The following CACNB4 variants were observed in gnomAD, a reference collection of about 807,000 sequenced individuals.
The protein encoded by CACNB4 is voltage-dependent L-type calcium channel subunit beta-4.
In CACNB4, 32 loss-of-function variants were observed where a neutral mutation model predicts 71.2. The observed-to-expected ratio is 0.45, with a 90% CI of 0.34 to 0.60. The LOEUF (loss-of-function observed/expected upper bound fraction) is 0.60. Among genes scored for constraint, CACNB4 ranks in the 20% least tolerant of loss-of-function variants. The probability of loss-of-function intolerance (pLI) is 0.01; values close to 1 mark genes in which losing one functional copy is unlikely to be tolerated. For synonymous variants in CACNB4, 231 were observed against 236.9 expected (o/e 0.97, Z 0.23); for missense variants, 464 against 647.9 (o/e 0.72, Z 3.08).
At chr2:152,041,363 C>T (rs1684863890) in intron 2 of CACNB4, among the ~76,000 whole-genome samples, 1 of 152,084 alleles carries the variant, frequency 6.6e-6, no homozygotes, top group Non-Finnish European at 1.5e-5. Flanking sequence ...AAGCTCAGTA[C>T]TTATGGGAAA....
intron 2 of CACNB4, among the ~76,000 whole-genome samples, chr2:152,029,682 G>A (rs1282342245): frequency 6.6e-6 from 1 of 152,024 alleles, no homozygotes; most frequent in Non-Finnish European, 1.5e-5. Flanking sequence ...CCACGGTGAT[G>A]GTATTAGGAG....
At chr2:151,846,371 T>A (rs2099837568) in intron 12 of CACNB4, among the ~76,000 whole-genome samples, 1 of 152,200 alleles carries the variant, frequency 6.6e-6, no homozygotes, top group Non-Finnish European at 1.5e-5. Context: ...GGGTAAGTCT[T>A]CCTTAATGAC....
chr2:151,969,157 T>TG (rs1163125142), intron 2 of CACNB4: 1 of 152,224 alleles, frequency 6.6e-6, no homozygotes. Context: ...ACATTTGGTT[T>TG]TCTTCTGTGG....
chr2:152,047,424 C>T (rs1232475925), intron 2 of CACNB4, among the ~76,000 whole-genome samples: 2 of 152,208 alleles, frequency 1.3e-5, no homozygotes, highest in Non-Finnish European at 2.9e-5. Flanking sequence ...TGAATTCTTA[C>T]TTCCTTAACC....
chr2:151,864,983 C>T (rs76490901), intron 9 of CACNB4, among the ~76,000 whole-genome samples: 4,516 of 152,256 alleles, frequency 0.03, 63 homozygotes, highest in African/African-American at 0.04. Flanking sequence ...GTCAGATACA[C>T]TGTACTCAAA....
intron 12 of CACNB4, among the ~76,000 whole-genome samples, chr2:151,847,403 T>C (rs2099837880): frequency 2.0e-5 from 3 of 152,054 alleles, no homozygotes; most frequent in African/African-American, 4.8e-5. Flanking sequence ...AAAAAAAGAC[T>C]GGCAAGTACT....
intron 10 of CACNB4, 38 bp downstream of exon 10, chr2:151,860,673 A>G (rs748367932): frequency 7.2e-7 from 1 of 1,381,026 alleles, no homozygotes; most frequent in Non-Finnish European, 1.0e-6. Context: ...CCGGTCTGTA[A>G]GCACAGCTTG....
chr2:152,025,648 A>C (rs1683921365), intron 2 of CACNB4, among the ~76,000 whole-genome samples: 4 of 152,228 alleles, frequency 2.6e-5, no homozygotes, highest in Admixed American at 2.6e-4. Flanking sequence ...GTGACACAAC[A>C]GCCTCTCTTC....
chr2:152,049,566 ACTCT>A (rs1230823163), intron 2 of CACNB4, among the ~76,000 whole-genome samples: 5 of 148,906 alleles, frequency 3.4e-5, no homozygotes, highest in South Asian at 2.1e-4. Flanking sequence ...TCTCTTGCTC[ACTCT>A]CTCTCTTTCC....
intron 2 of CACNB4, among the ~76,000 whole-genome samples, chr2:151,942,968 C>T (rs1366538438): frequency 6.6e-6 from 1 of 152,154 alleles, no homozygotes; most frequent in Non-Finnish European, 1.5e-5. Context: ...CTTTGTTGGA[C>T]CCTTATCAGT....
At chr2:151,999,740 G>GT (rs1333765922) in intron 2 of CACNB4, among the ~76,000 whole-genome samples, 3 of 152,156 alleles carry the variant, frequency 2.0e-5, no homozygotes, top group Non-Finnish European at 4.4e-5. Flanking sequence ...CACCCAAAAA[G>GT]TTAATTGAAA....
chr2:152,004,019 G>A (rs1465425970), intron 2 of CACNB4, among the ~76,000 whole-genome samples: 5 of 151,950 alleles, frequency 3.3e-5, no homozygotes, highest in African/African-American at 7.3e-5. Flanking sequence ...ACAGGATCTC[G>A]TTGTTACCCA....
intron 2 of CACNB4, among the ~76,000 whole-genome samples, chr2:152,005,211 C>G (rs1460430171): frequency 6.6e-6 from 1 of 152,202 alleles, no homozygotes; most frequent in Non-Finnish European, 1.5e-5. Context: ...GCCATAAAGA[C>G]ACATGCATGT....
intron 2 of CACNB4, among the ~76,000 whole-genome samples, chr2:151,964,497 T>C (rs2151707025): frequency 1.3e-5 from 2 of 152,282 alleles, no homozygotes; most frequent in Admixed American, 1.3e-4. Flanking sequence ...GTTTAAAGAT[T>C]TTTCCCCCAA....
chr2:151,995,768 T>A (rs1682008632), intron 2 of CACNB4, among the ~76,000 whole-genome samples: 1 of 152,234 alleles, frequency 6.6e-6, no homozygotes, highest in Admixed American at 6.5e-5. Flanking sequence ...CCTACCAACA[T>A]TGCCTGGCAG....
intron 2 of CACNB4, among the ~76,000 whole-genome samples, chr2:152,020,639 G>A (rs1683608616): frequency 6.6e-6 from 1 of 152,230 alleles, no homozygotes; most frequent in Non-Finnish European, 1.5e-5. Context: ...TTGGTGCCAT[G>A]AAGCCAAAGG....
intron 2 of CACNB4, among the ~76,000 whole-genome samples, chr2:152,016,363 T>G (rs1428374326): frequency 6.6e-6 from 1 of 152,262 alleles, no homozygotes; most frequent in African/African-American, 2.4e-5. Context: ...TCTAACATCC[T>G]ATTTTGAATT....
intron 2 of CACNB4, among the ~76,000 whole-genome samples, chr2:151,977,764 G>A (rs923523504): frequency 6.6e-6 from 1 of 152,174 alleles, no homozygotes; most frequent in Non-Finnish European, 1.5e-5. Context: ...GTAGTTATGC[G>A]TTCTATAGCA....
chr2:151,865,783 T>TCTTC (rs1399216639), intron 9 of CACNB4: 2 of 149,192 alleles, frequency 1.3e-5, no homozygotes, highest in African/African-American at 5.0e-5. Flanking sequence ...TTTCTTTCTT[T>TCTTC]CTTTTTTTTT....
Sources: gnomAD v4.1 joint callset for allele counts (sites outside exome capture counted in the v4.1 genomes callset) on GRCh38, gnomAD v4.1.1 for gene constraint, MANE v1.5 for transcripts, NCBI Gene and HGNC (gene_info 2026-07-23, HGNC 2026-07-21) for gene names.